The following RALYL variants were observed in gnomAD, a reference collection of about 807,000 sequenced individuals.
RALYL encodes RNA-binding Raly-like protein.
In RALYL, 29 loss-of-function variants were observed where a neutral mutation model predicts 35.1. That is an observed-to-expected ratio of 0.83 (90% CI 0.61 to 1.13). The LOEUF (loss-of-function observed/expected upper bound fraction) is 1.13. Ranked by LOEUF, RALYL falls within the 50% of genes most tolerant of loss-of-function variation. The pLI, the probability that RALYL is intolerant of heterozygous loss-of-function variation, is 0.00. For missense variants in RALYL, 359 were observed against 360.4 expected (o/e 1.00, Z 0.03); for synonymous variants, 120 against 127.6 (o/e 0.94, Z 0.40).
intron 2 of RALYL, among the ~76,000 whole-genome samples, chr8:84,734,078 G>A (rs1356117893): frequency 2.6e-5 from 4 of 152,144 alleles, no homozygotes; most frequent in Admixed American, 6.6e-5. Context: ...TGTAAAAAAT[G>A]CGTGATTTAT....
At chr8:84,800,105 T>G (rs1351943863) in intron 3 of RALYL, among the ~76,000 whole-genome samples, 2 of 152,202 alleles carry the variant, frequency 1.3e-5, no homozygotes, top group Non-Finnish European at 2.9e-5. Context: ...GATGTAAGTT[T>G]TGGAATTTCC....
At chr8:84,386,824 C>T (rs1859307310) in intron 1 of RALYL, among the ~76,000 whole-genome samples, 1 of 151,864 alleles carries the variant, frequency 6.6e-6, no homozygotes, top group South Asian at 2.1e-4. Flanking sequence ...TCCTATACTT[C>T]AGCATTCTAA....
chr8:84,274,114 A>C, intron 1 of RALYL, among the ~76,000 whole-genome samples: 1 of 152,180 alleles, frequency 6.6e-6, no homozygotes, highest in East Asian at 1.9e-4. Context: ...GCCTAGAATA[A>C]CATTTTACTT....
At chr8:84,725,045 G>A (rs193261223) in intron 2 of RALYL, among the ~76,000 whole-genome samples, 50 of 151,598 alleles carry the variant, frequency 3.3e-4, no homozygotes, top group Middle Eastern at 3.4e-3. Context: ...TGGCAGGTAA[G>A]GTGGTTATAT....
At chr8:84,679,014 G>A (rs1834805570) in intron 2 of RALYL, 2 of 338,116 alleles carry the variant, frequency 5.9e-6, no homozygotes, top group Admixed American at 6.5e-5. Context: ...CACTAGCCTG[G>A]CCACCACCAG....
chr8:84,714,491 T>TTA (rs201841781), intron 2 of RALYL, among the ~76,000 whole-genome samples: 23 of 150,592 alleles, frequency 1.5e-4, no homozygotes, highest in East Asian at 3.9e-4. Context: ...TATGAAAACA[T>TTA]TATATATATA....
chr8:84,528,107 C>G (rs1416802297), intron 1 of RALYL, among the ~76,000 whole-genome samples: 2 of 152,200 alleles, frequency 1.3e-5, no homozygotes, highest in East Asian at 3.9e-4. Context: ...TTAAATGATT[C>G]TTAAAAATCA....
chr8:84,359,692 C>G (rs1322311827), intron 1 of RALYL, among the ~76,000 whole-genome samples: 2 of 151,948 alleles, frequency 1.3e-5, no homozygotes, highest in Non-Finnish European at 2.9e-5. Context: ...CCTGCAGTAA[C>G]AAGGCATGCT....
chr8:84,703,510 T>C (rs964775254), intron 2 of RALYL, among the ~76,000 whole-genome samples: 1 of 152,152 alleles, frequency 6.6e-6, no homozygotes, highest in Non-Finnish European at 1.5e-5. Flanking sequence ...GGGGGCTTCT[T>C]GTACATATGA....
intron 1 of RALYL, among the ~76,000 whole-genome samples, chr8:84,252,347 A>G (rs921525232): frequency 6.6e-6 from 1 of 152,134 alleles, no homozygotes; most frequent in African/African-American, 2.4e-5. Flanking sequence ...AAATCAAATT[A>G]TTTTGCTTCA....
chr8:84,376,425 T>C (rs1278459798), intron 1 of RALYL, among the ~76,000 whole-genome samples: 3 of 151,828 alleles, frequency 2.0e-5, no homozygotes, highest in Non-Finnish European at 4.4e-5. Context: ...AAGAAGGTTA[T>C]ATGTATGAGC....
Position 84,887,773 on chromosome 8 carries a change from G to A in RALYL, c.855G>A (p.Glu285=). The A allele has an allele frequency of 6.2e-7, 1 of 1,611,184 alleles. No individual in the cohort carries two copies. Among genetic ancestry groups the A allele is most frequent in the Admixed American group, 1.7e-5 (1 of 59,374 alleles). ...ACTTCGATGAAGATGGGGGTCATGAGCTGGTAGGAAAGAAACATTTGGTAT... is the reference window on the plus strand; with the variant it reads ...ACTTCGATGAAGATGGGGGTCATGAACTGGTAGGAAAGAAACATTTGGTAT... The part of the protein sequence containing the change: ...EEDFDEDGGH[E]LFLQIK Residue 285 remains glutamate, a synonymous_variant, in exon 8 of 9, where the codon GAG becomes GAA. Transcript: ENST00000521268.
At chr8:84,825,999 G>T (rs1322053700) in intron 4 of RALYL, among the ~76,000 whole-genome samples, 1 of 152,076 alleles carries the variant, frequency 6.6e-6, no homozygotes, top group Non-Finnish European at 1.5e-5. Context: ...TATGTCCTTT[G>T]CAGCAACATG....
intron 8 of RALYL, among the ~76,000 whole-genome samples, chr8:84,903,226 G>A (rs1037814232): frequency 6.6e-6 from 1 of 152,094 alleles, no homozygotes; most frequent in Non-Finnish European, 1.5e-5. Flanking sequence ...GCTGAGAAAA[G>A]TTGCAGTGAT....
chr8:84,401,637 CAAAAAAAAAAAAAAAAAAA>C (rs71271985), intron 1 of RALYL, among the ~76,000 whole-genome samples: 4 of 17,406 alleles, frequency 2.3e-4, no homozygotes, highest in East Asian at 5.2e-3. Flanking sequence ...GACTCTGTCT[CAAAAAAAAAAAAAAAAAAA>C]AAAAAAAAAA....
At chr8:84,486,525 T>C (rs993406738) in intron 1 of RALYL, among the ~76,000 whole-genome samples, 2 of 152,034 alleles carry the variant, frequency 1.3e-5, no homozygotes, top group Non-Finnish European at 2.9e-5. Context: ...TTTAAACAGA[T>C]ATGTTGATCT....
At chr8:84,255,100 G>A (rs139964809) in intron 1 of RALYL, among the ~76,000 whole-genome samples, 1 of 151,960 alleles carries the variant, frequency 6.6e-6, no homozygotes, top group South Asian at 2.1e-4. Flanking sequence ...AGTCAGTTTC[G>A]TATCACAAAA....
At chr8:84,365,901 C>T (rs983745902) in intron 1 of RALYL, among the ~76,000 whole-genome samples, 10 of 152,280 alleles carry the variant, frequency 6.6e-5, no homozygotes, top group Admixed American at 4.6e-4. Context: ...GCTAGGAGGT[C>T]CCTGCTGCTG....
At chr8:84,421,626 A>C in intron 1 of RALYL, among the ~76,000 whole-genome samples, 1 of 131,642 alleles carries the variant, frequency 7.6e-6, no homozygotes, top group Middle Eastern at 3.5e-3. Flanking sequence ...GTCTTGTGCC[A>C]GTTTTCAAAG....
Sources: gnomAD v4.1 joint callset for allele counts (sites outside exome capture counted in the v4.1 genomes callset) on GRCh38, gnomAD v4.1.1 for gene constraint, MANE v1.5 for transcripts, NCBI Gene and HGNC (gene_info 2026-07-23, HGNC 2026-07-21) for gene names.